ANO6: variants seen among roughly 807,000 people sequenced by gnomAD.
ANO6 encodes the protein anoctamin 6, also known as anoctamin-6.
A neutral mutation model predicts 117.5 loss-of-function variants in ANO6; 106 were observed. The observed-to-expected ratio is 0.90, with a 90% confidence interval of 0.77 to 1.06. The LOEUF (loss-of-function observed/expected upper bound fraction) is 1.06, where lower values mean the gene tolerates loss of function less well. ANO6 is among the 50% of genes least tolerant of loss of function. The probability of loss-of-function intolerance (pLI) is 0.00; values close to 1 mark genes in which losing one functional copy is unlikely to be tolerated. For missense variants in ANO6, 955 were observed against 1,121.1 expected (o/e 0.85, Z 2.12); for synonymous variants, 367 against 385.1 (o/e 0.95, Z 0.55).
At chr12:45,373,265 G>T (rs901522008) in intron 9 of ANO6, among the ~76,000 whole-genome samples, 6 of 152,184 alleles carry the variant, frequency 3.9e-5, no homozygotes, top group African/African-American at 1.4e-4. Context: ...AATAATGGGA[G>T]ACTTTAACAC....
chr12:45,250,981 G>A (rs1239596841), intron 1 of ANO6, among the ~76,000 whole-genome samples: 1 of 151,790 alleles, frequency 6.6e-6, no homozygotes, highest in African/African-American at 2.4e-5. Flanking sequence ...GTTGAGGTGG[G>A]AGGATCTCTT....
chr12:45,313,928 T>A (rs1397935917), intron 2 of ANO6, among the ~76,000 whole-genome samples: 1 of 152,094 alleles, frequency 6.6e-6, no homozygotes, highest in Non-Finnish European at 1.5e-5. Context: ...TTAATCAGTA[T>A]GCTTAGAGAA....
intron 9 of ANO6, among the ~76,000 whole-genome samples, chr12:45,373,246 C>A (rs1009997899): frequency 1.3e-5 from 2 of 152,032 alleles, no homozygotes; most frequent in South Asian, 2.1e-4. Flanking sequence ...ACTTAGACAC[C>A]CACACATTAA....
intron 1 of ANO6, among the ~76,000 whole-genome samples, chr12:45,230,344 C>G (rs1393315028): frequency 6.6e-6 from 1 of 151,710 alleles, no homozygotes; most frequent in African/African-American, 2.4e-5. Context: ...ACTTTGGGGC[C>G]TTGGTTTCCA....
chr12:45,344,038 A>G (rs889876168), intron 3 of ANO6, among the ~76,000 whole-genome samples: 2 of 152,178 alleles, frequency 1.3e-5, no homozygotes, highest in African/African-American at 4.8e-5. Context: ...TTTATCTGCT[A>G]TAATGGATGT....
Position 45,371,824 on chromosome 12 carries a change from G to T in ANO6, c.1104+4031G>T, listed in dbSNP as rs1410043682. Among the ~76,000 whole-genome samples the T allele has an allele frequency of 2.0e-5, 3 of 152,322 alleles. No individual in the cohort carries two copies. The East Asian group carries it at 5.8e-4, about 29-fold the overall frequency. ...AACGCCTCTCCTCCTCCAAAGGAAC[G>T]CAGTTCCTCACCAGCAACGGAACAA... On this transcript the variant is annotated intron_variant, in intron 9 of 19. Coordinates refer to ENST00000320560, the MANE Select transcript of ANO6 (RefSeq NM_001025356.3).
intron 1 of ANO6, among the ~76,000 whole-genome samples, chr12:45,283,409 A>T (rs546156082): frequency 6.6e-6 from 1 of 152,140 alleles, no homozygotes; most frequent in Non-Finnish European, 1.5e-5. Context: ...GGGATATGCC[A>T]CCTCTCCCAT....
chr12:45,388,807 T>C (rs368618947), intron 11 of ANO6, among the ~76,000 whole-genome samples: 1 of 152,094 alleles, frequency 6.6e-6, no homozygotes, highest in Non-Finnish European at 1.5e-5. Context: ...GGAGAAAGGA[T>C]GGAGGAAGAA....
chr12:45,345,635 C>T (rs1941109362), intron 3 of ANO6, among the ~76,000 whole-genome samples: 1 of 152,162 alleles, frequency 6.6e-6, no homozygotes, highest in South Asian at 2.1e-4. Context: ...TAGTTTAAAT[C>T]ATATCTTCAC....
intron 11 of ANO6, among the ~76,000 whole-genome samples, 197 bp from the exon 12 acceptor site, chr12:45,390,224 T>C (rs1942406070): frequency 1.3e-5 from 2 of 152,236 alleles, no homozygotes; most frequent in Non-Finnish European, 1.5e-5. Context: ...CAAAAACTTA[T>C]TAAAATGAAC....
At chr12:45,300,793 A>G (rs1051897051) in intron 1 of ANO6, among the ~76,000 whole-genome samples, 19 of 152,264 alleles carry the variant, frequency 1.2e-4, no homozygotes, top group African/African-American at 4.3e-4. Context: ...CAAAAATTCT[A>G]TTCAAATTTT....
In ANO6 at chr12:45,403,213, A is replaced by G. The variant is rs1565754766; in HGVS notation, c.1754A>G (p.Tyr585Cys). 1.2e-6 allele frequency: 2 copies of G among 1,613,962 alleles called. No individual in the cohort carries two copies. Among genetic ancestry groups the G allele is most frequent in the East Asian group, 2.2e-5 (1 of 44,848 alleles). Residue 585 changes from tyrosine (Y) to cysteine (C), a missense_variant, in exon 14 of 20, where the codon TAT becomes TGT. Tyr to Cys is a radical substitution (Grantham distance 194). Transcript: ENST00000320560. ...KFVGYPGDPV[Y>C]WLGKYRNEEC... ...GTAGGCTATCCAGGAGACCCAGTTT[A>G]TTGGTTGGGAAAATACAGAAATGAA...
At chr12:45,223,372 C>T (rs1947434392) in intron 1 of ANO6, among the ~76,000 whole-genome samples, 1 of 152,174 alleles carries the variant, frequency 6.6e-6, no homozygotes, top group African/African-American at 2.4e-5. Flanking sequence ...GTATCCACTG[C>T]AGAATTGATT....
At chr12:45,252,734 A>G (rs904747501) in intron 1 of ANO6, among the ~76,000 whole-genome samples, 2 of 152,214 alleles carry the variant, frequency 1.3e-5, no homozygotes, top group African/African-American at 4.8e-5. Flanking sequence ...AACAACATGA[A>G]GGTATTAGGG....
At position 45,388,151 on chromosome 12, in the gene ANO6, T is replaced by A. The variant is rs1239335798; in HGVS notation, c.1166-10T>A. The A allele has an allele frequency of 1.2e-6, 2 of 1,613,674 alleles. No homozygotes were observed. Among genetic ancestry groups the A allele is most frequent in the African/African-American group, 1.3e-5 (1 of 74,922 alleles). On this transcript the variant is annotated splice_polypyrimidine_tract_variant and intron_variant, in intron 10 of 19. Coordinates refer to ENST00000320560, the MANE Select transcript of ANO6 (RefSeq NM_001025356.3). ...GAAAATCCACACAAGCTCTTCTGTC[T>A]CTCTGTTAGTTACCTTGTTTTTGGA... is the stretch of plus-strand genomic sequence containing the variant.
intron 1 of ANO6, among the ~76,000 whole-genome samples, chr12:45,218,481 ACCTACGGGGCTCAAGCGAT>A (rs1947349989): frequency 6.9e-6 from 1 of 143,936 alleles, no homozygotes; most frequent in Non-Finnish European, 1.5e-5. Context: ...TACAGCCTCG[ACCTACGGGGCTCAAGCGAT>A]CCTCCCACTT....
chr12:45,423,129 C>T, intron 19 of ANO6, 67 bp downstream of exon 19: 2 of 1,135,844 alleles, frequency 1.8e-6, no homozygotes, highest in Non-Finnish European at 1.3e-6. Context: ...TTAAGTGTTG[C>T]CAACTCCATA....
intron 1 of ANO6, among the ~76,000 whole-genome samples, chr12:45,225,304 C>T (rs1947465000): frequency 6.6e-6 from 1 of 151,688 alleles, no homozygotes. Context: ...CACTCTAATC[C>T]TTTAGGTTTT....
At chr12:45,287,480 G>T (rs1193791947) in intron 1 of ANO6, among the ~76,000 whole-genome samples, 2 of 152,226 alleles carry the variant, frequency 1.3e-5, no homozygotes, top group Admixed American at 6.5e-5. Flanking sequence ...CTTAGCTATA[G>T]AATAGGCACT....
Sources: gnomAD v4.1 joint callset for allele counts (sites outside exome capture counted in the v4.1 genomes callset) on GRCh38, gnomAD v4.1.1 for gene constraint, MANE v1.5 for transcripts, NCBI Gene and HGNC (gene_info 2026-07-23, HGNC 2026-07-21) for gene names.